The following DCAF8 variants were observed in gnomAD, a reference collection of about 807,000 sequenced individuals.
The protein encoded by DCAF8 is DDB1- and CUL4-associated factor 8.
Under a neutral mutation model 68.0 loss-of-function variants are expected in DCAF8, and 20 were observed. That is an observed-to-expected ratio of 0.29 (90% CI 0.21 to 0.43). The LOEUF is 0.43. Ranked by LOEUF, DCAF8 falls within the 20% of genes least tolerant of loss-of-function variation. The pLI, the probability that DCAF8 is intolerant of heterozygous loss-of-function variation, is 1.00. For synonymous variants in DCAF8, 230 were observed against 276.9 expected, an observed-to-expected ratio of 0.83 and a Z score of 1.68; for missense variants, 460 against 771.0, an observed-to-expected ratio of 0.60 and a Z score of 4.78.
intron 7 of DCAF8, 46 bp from the exon 8 acceptor site, chr1:160,225,709 C>A: frequency 6.6e-7 from 1 of 1,504,930 alleles, no homozygotes; most frequent in Non-Finnish European, 9.2e-7. Context: ...ACAAACGAAA[C>A]CCTTGAAGAG....
chr1:160,259,961 A>G (rs1213854759), intron 2 of DCAF8, among the ~76,000 whole-genome samples: 1 of 152,220 alleles, frequency 6.6e-6, no homozygotes, highest in Non-Finnish European at 1.5e-5. Context: ...CTTACAAAGG[A>G]CACGTCTAAG....
At chr1:160,219,130 G>A in intron 11 of DCAF8, 162 bp from the exon 12 acceptor site, 1 of 892,900 alleles carries the variant, frequency 1.1e-6, no homozygotes, top group Admixed American at 2.9e-5. Context: ...GGGCACTGAG[G>A]GTAGAGAAAC....
At chr1:160,218,057 T>C (rs1334074008) in intron 13 of DCAF8, 3 of 522,500 alleles carry the variant, frequency 5.7e-6, no homozygotes, top group South Asian at 2.7e-5. Context: ...AGACTTGTTA[T>C]TTCTTCTCAA....
At chr1:160,235,898 C>A (rs1361021352) in intron 6 of DCAF8, among the ~76,000 whole-genome samples, 1 of 152,132 alleles carries the variant, frequency 6.6e-6, no homozygotes, top group Non-Finnish European at 1.5e-5. Flanking sequence ...GCCAACATGT[C>A]CAGCTAATTT....
At chr1:160,222,110 A>G (rs984193522) in intron 11 of DCAF8, among the ~76,000 whole-genome samples, 2 of 152,252 alleles carry the variant, frequency 1.3e-5, no homozygotes, top group Admixed American at 1.3e-4. Context: ...ATACTTCAAC[A>G]TGTATCTCTT....
At chr1:160,252,812 C>T (rs1481000367) in intron 2 of DCAF8, among the ~76,000 whole-genome samples, 2 of 152,050 alleles carry the variant, frequency 1.3e-5, no homozygotes, top group South Asian at 2.1e-4. Context: ...TTAAGAAGGA[C>T]AAGTTCTTAG....
chr1:160,234,714 T>C (rs1467728758), intron 6 of DCAF8, among the ~76,000 whole-genome samples: 1 of 152,216 alleles, frequency 6.6e-6, no homozygotes, highest in Non-Finnish European at 1.5e-5. Flanking sequence ...TCCATTACCA[T>C]TACAGAACCC....
At position 160,262,522 on chromosome 1, in the gene DCAF8, C is replaced by A. The variant is rs886482089; in HGVS notation, c.-174G>T. ...CCTGCGCTGCCACGCTTTCCGGCCC[C>A]GTTTGCGACGATGTGCTCGAGAAGA... On this transcript the variant is annotated 5_prime_UTR_variant, in exon 1 of 14. Transcript: ENST00000368074. The A allele has an allele frequency of 2.0e-5, 8 of 399,178 alleles. No homozygotes were observed. The highest frequency in any genetic ancestry group is 2.7e-5 in the Non-Finnish European group (6 of 226,156). The allele number at this position is 399,178 out of a possible 1,614,324, so 24.7% of individuals were successfully genotyped here. A position where few individuals can be genotyped will look rare whatever the true frequency, so the allele number is the denominator to read the frequency against.
In DCAF8 at chr1:160,240,113, C is replaced by T. The variant is rs1467692735; in HGVS notation, c.307G>A (p.Glu103Lys). ...NRVHDRSEEE[E>K]EEEEEEEEEQ... is the part of the protein sequence containing the mutation. Reference sequence around the variant, plus strand: ...TCTTCCTCCTCTTCTTCCTCCTCTTCCTCTTCCTCTGAGCGGTCATGGACT... The same window carrying T: ...TCTTCCTCCTCTTCTTCCTCCTCTTTCTCTTCCTCTGAGCGGTCATGGACT... The change falls in exon 4 of 14, where the codon GAA (glutamate) becomes AAA (lysine). Residue 103 changes from glutamate (E) to lysine (K), a missense_variant. Glu to Lys is a moderately conservative substitution (Grantham distance 56, BLOSUM62 1). Transcript: ENST00000368074. 6 of 1,613,590 alleles carry T rather than the reference C, an allele frequency of 3.7e-6. No homozygotes were observed. The highest frequency in any genetic ancestry group is 4.2e-6 in the Non-Finnish European group (5 of 1,179,560).
chr1:160,231,269 C>A, intron 7 of DCAF8, 28 bp downstream of exon 7: 1 of 1,530,516 alleles, frequency 6.5e-7, no homozygotes, highest in South Asian at 1.1e-5. Context: ...TACAAACTGT[C>A]AAAGACACAA....
At chr1:160,251,193 C>T (rs1251866054) in intron 2 of DCAF8, among the ~76,000 whole-genome samples, 1 of 152,162 alleles carries the variant, frequency 6.6e-6, no homozygotes, top group Non-Finnish European at 1.5e-5. Context: ...CAGAGAGCCA[C>T]ACAGTCCCAA....
chr1:160,258,446 A>C (rs1280044955), intron 2 of DCAF8, among the ~76,000 whole-genome samples: 1 of 152,148 alleles, frequency 6.6e-6, no homozygotes, highest in African/African-American at 2.4e-5. Context: ...ATACTACCTA[A>C]TAAGATGTCA....
intron 11 of DCAF8, 25 bp downstream of exon 11, chr1:160,222,626 A>G: frequency 6.2e-7 from 1 of 1,613,072 alleles, no homozygotes; most frequent in Non-Finnish European, 8.5e-7. Flanking sequence ...TTAGGGAGCC[A>G]GCCAGCTCAG....
intron 8 of DCAF8, among the ~76,000 whole-genome samples, 171 bp from the exon 9 acceptor site, chr1:160,225,290 C>T (rs1047595874): frequency 2.0e-5 from 3 of 152,170 alleles, no homozygotes; most frequent in African/African-American, 7.2e-5. Flanking sequence ...GGGGTAGCAT[C>T]TTGGGGCTTT....
chr1:160,241,666 C>T (rs1656121384), intron 3 of DCAF8, among the ~76,000 whole-genome samples: 1 of 152,336 alleles, frequency 6.6e-6, no homozygotes, highest in African/African-American at 2.4e-5. Context: ...ATTTTAAATG[C>T]TGCTCATGGG....
intron 11 of DCAF8, chr1:160,220,821 C>A (rs999708625): frequency 6.6e-6 from 1 of 152,198 alleles, no homozygotes; most frequent in African/African-American, 2.4e-5. Flanking sequence ...TCTACATTTA[C>A]AATTTGCATG....
intron 2 of DCAF8, among the ~76,000 whole-genome samples, chr1:160,258,887 C>T (rs1323335258): frequency 6.6e-6 from 1 of 152,100 alleles, no homozygotes; most frequent in African/African-American, 2.4e-5. Flanking sequence ...CCAAGTTATC[C>T]CTCTTTCAAA....
In DCAF8 at chr1:160,217,278, C is replaced by A; in HGVS notation, c.*314G>T. ...ACAAGGGAGATTAAAGAAAAAGAAACCCCATTCCCTATCCCAAACCAGTTA... is the reference window on the plus strand; with the variant it reads ...ACAAGGGAGATTAAAGAAAAAGAAAACCCATTCCCTATCCCAAACCAGTTA... On this transcript the variant is annotated 3_prime_UTR_variant, in exon 14 of 14. Transcript: ENST00000368074. 6.0e-5 allele frequency: 12 copies of A among 200,502 alleles called. No homozygotes were observed. Among genetic ancestry groups the A allele is most frequent in the Non-Finnish European group, 1.0e-4 (10 of 100,470 alleles). The allele number at this position is 200,502 out of a possible 1,614,324, so 12.4% of individuals were successfully genotyped here.
chr1:160,241,995 C>T (rs935748945), intron 3 of DCAF8, among the ~76,000 whole-genome samples: 4 of 152,192 alleles, frequency 2.6e-5, no homozygotes, highest in African/African-American at 9.6e-5. Flanking sequence ...GTAATCCCAG[C>T]GCTTTGGGAG....
Sources: allele counts gnomAD v4.1 joint callset (sites outside exome capture counted in the v4.1 genomes callset), GRCh38; gene constraint gnomAD v4.1.1; transcripts MANE v1.5; gene names NCBI Gene and HGNC (gene_info 2026-07-23, HGNC 2026-07-21).